Variants in B3GAT1 observed in about 807,000 individuals in gnomAD.
The protein encoded by B3GAT1 is galactosylgalactosylxylosylprotein 3-beta-glucuronosyltransferase 1.
B3GAT1 carries 11 observed loss-of-function variants against 28.4 expected under a neutral mutation model. That is an observed-to-expected ratio of 0.39 (90% CI 0.24 to 0.64). B3GAT1 has a LOEUF of 0.64. Among genes scored for constraint, B3GAT1 ranks in the 30% least tolerant of loss-of-function variants. B3GAT1 has a pLI of 0.50. For missense variants in B3GAT1, 375 were observed against 491.0 expected (o/e 0.76, Z 2.23); for synonymous variants, 255 against 223.1 (o/e 1.14, Z -1.27).
In B3GAT1 at chr11:134,387,683, GCTC is replaced by G. The variant is rs1944320593; in HGVS notation, c.-27_-25del. 5.0e-6 allele frequency: 8 copies of G among 1,613,528 alleles called. No homozygotes were observed. The highest frequency in any genetic ancestry group is 5.9e-6 in the Non-Finnish European group (7 of 1,179,866). ...ATCTCCAAGGCTGGCTGCACCCACG[GCTC>G]CTCATTACCTGAGTGGCGGTAAGTT... On this transcript the variant is annotated 5_prime_UTR_variant, in exon 2 of 6. Coordinates refer to ENST00000312527, the MANE Select transcript of B3GAT1 (RefSeq NM_054025.3).
chr11:134,385,930 C>T (rs1245110877), intron 2 of B3GAT1: 1 of 152,280 alleles, frequency 6.6e-6, no homozygotes, highest in Non-Finnish European at 1.5e-5. Flanking sequence ...GCTTAGCAAA[C>T]AGCCTGACGT....
rs776480442 is a variant in B3GAT1, at chr11:134,382,791, C to T, written c.837G>A (p.Lys279=). 3.1e-6 allele frequency: 5 copies of T among 1,614,208 alleles called. No individual in the cohort carries two copies. The East Asian group carries it at 6.7e-5, about 22-fold the overall frequency. Residue 279 remains lysine, a synonymous_variant, in exon 4 of 6, where the codon AAG becomes AAA. Coordinates refer to ENST00000312527, the MANE Select transcript of B3GAT1 (RefSeq NM_054025.3). ...SQAYFKLRGV[K]GGYQESSLLR... is the part of the protein sequence containing the mutation. The stretch of plus-strand genomic sequence containing the variant: ...GGAGGCTGCTTTCCTGGTAGCCTCC[C>T]TTCACACCTCGCAGCTTGAAGTAGG...
intron 1 of B3GAT1, among the ~76,000 whole-genome samples, chr11:134,392,705 C>T (rs7103855): frequency 5.9e-5 from 9 of 151,860 alleles, no homozygotes; most frequent in Admixed American, 1.3e-4. Flanking sequence ...GGGTGCTGTG[C>T]GCTGTGAATA....
intron 1 of B3GAT1, chr11:134,391,227 T>C (rs376809189): frequency 9.2e-5 from 14 of 152,220 alleles, no homozygotes; most frequent in Admixed American, 4.6e-4. Context: ...ATAAGCATAG[T>C]AGCAAAATCG....
chr11:134,404,019 A>ATT (rs1167450945), intron 1 of B3GAT1, among the ~76,000 whole-genome samples: 9 of 113,576 alleles, frequency 7.9e-5, no homozygotes, highest in African/African-American at 2.9e-4. Flanking sequence ...ATATATATAT[A>ATT]TATATATATA....
At chr11:134,399,517 G>A (rs975619940) in intron 1 of B3GAT1, among the ~76,000 whole-genome samples, 6 of 152,192 alleles carry the variant, frequency 3.9e-5, no homozygotes, top group African/African-American at 4.8e-5. Flanking sequence ...CCCAGTGAAC[G>A]GCAGGGTCCA....
chr11:134,404,426 A>C (rs1224193829), intron 1 of B3GAT1, among the ~76,000 whole-genome samples: 1 of 152,152 alleles, frequency 6.6e-6, no homozygotes, highest in African/African-American at 2.4e-5. Context: ...AAAATGGCTA[A>C]GATGGTAAGT....
In B3GAT1 at chr11:134,378,559, GTTAAA is replaced by G. The variant is rs1356666174; in HGVS notation, c.*2198_*2202del. 1.3e-5 allele frequency: 2 copies of G among 152,240 alleles called. No homozygotes were observed. Among genetic ancestry groups the G allele is most frequent in the African/African-American group, 2.4e-5 (1 of 41,454 alleles). The allele number at this position is 152,240 out of a possible 1,614,324, so 9.4% of individuals were successfully genotyped here. ...TAATTTTGAAAGCAAATTAAATACA[GTTAAA>G]TTAAAACAGACCAGATGCAGCTGCC... On this transcript the variant is annotated 3_prime_UTR_variant, in exon 6 of 6. Transcript: ENST00000312527.
rs565713520 is a variant in B3GAT1 at position 134,407,304 on chromosome 11, C to A, written c.-282+4503G>T. ...AGATGGGCAGAGGGGAAGGAGAGGA[C>A]CCCAGCCCACATAGCCAGCCAGAGA... On this transcript the variant is annotated intron_variant, in intron 1 of 5. Coordinates refer to ENST00000312527, the MANE Select transcript of B3GAT1 (RefSeq NM_054025.3). 1.2e-3 allele frequency among the ~76,000 whole-genome samples: 184 copies of A among 152,332 alleles called. 3 individuals are homozygous for A. The highest frequency in any genetic ancestry group is 4.2e-3 in the African/African-American group (176 of 41,576).
At chr11:134,390,847 T>C (rs1015261996) in intron 1 of B3GAT1, 4 of 152,264 alleles carry the variant, frequency 2.6e-5, no homozygotes, top group African/African-American at 9.7e-5. Context: ...TCCAAGCCTC[T>C]CGAACCTGGG....
chr11:134,386,289 C>A (rs1944283904), intron 2 of B3GAT1: 1 of 152,272 alleles, frequency 6.6e-6, no homozygotes, highest in East Asian at 1.9e-4. Flanking sequence ...TACAGGCACT[C>A]ACCACCTCTC....
At chr11:134,399,059 G>C (rs1944559295) in intron 1 of B3GAT1, among the ~76,000 whole-genome samples, 1 of 152,180 alleles carries the variant, frequency 6.6e-6, no homozygotes, top group South Asian at 2.1e-4. Flanking sequence ...CCCTCCCCGG[G>C]GGGGCTCACT....
chr11:134,397,567 C>A (rs575519643), intron 1 of B3GAT1, among the ~76,000 whole-genome samples: 56 of 145,708 alleles, frequency 3.8e-4, no homozygotes, highest in African/African-American at 1.4e-3. Flanking sequence ...CCATTCCCAC[C>A]CAGAGGGCAG....
At chr11:134,405,878 G>A (rs1944721944) in intron 1 of B3GAT1, among the ~76,000 whole-genome samples, 1 of 152,230 alleles carries the variant, frequency 6.6e-6, no homozygotes, top group African/African-American at 2.4e-5. Context: ...CCAATGGCCA[G>A]CTCCTGCCCC....
chr11:134,393,626 C>T lies in B3GAT1; in HGVS notation c.-281-5686G>A, dbSNP rs147231862. On this transcript the variant is annotated intron_variant, in intron 1 of 5. Coordinates refer to ENST00000312527, the MANE Select transcript of B3GAT1 (RefSeq NM_054025.3). This position sits in a 1 kb window ranked among gnomAD's most constrained non-coding sequence, Gnocchi z 4.0. ...TAGAAACAACACATTTACTTCAACACGCTATTTCAACAGTTTACATGACAT... is the reference window on the plus strand; with the variant it reads ...TAGAAACAACACATTTACTTCAACATGCTATTTCAACAGTTTACATGACAT... Among the ~76,000 whole-genome samples the T allele has an allele frequency of 2.6e-5, 4 of 152,344 alleles. No individual in the cohort carries two copies. Among genetic ancestry groups the T allele is most frequent in the East Asian group, 3.9e-4 (2 of 5,188 alleles).
intron 4 of B3GAT1, 53 bp from the exon 5 acceptor site, chr11:134,382,077 G>T: frequency 1.3e-6 from 2 of 1,489,136 alleles, no homozygotes; most frequent in Non-Finnish European, 9.4e-7. Flanking sequence ...ACCTCACTCT[G>T]CTGCCTCCCT....
intron 1 of B3GAT1, among the ~76,000 whole-genome samples, chr11:134,405,102 G>A (rs1944705769): frequency 6.6e-6 from 1 of 152,202 alleles, no homozygotes; most frequent in Non-Finnish European, 1.5e-5. Flanking sequence ...GGCTGGGGGG[G>A]TGACGATATT....
At chr11:134,396,902 G>A (rs1944514823) in intron 1 of B3GAT1, among the ~76,000 whole-genome samples, 1 of 152,296 alleles carries the variant, frequency 6.6e-6, no homozygotes, top group Non-Finnish European at 1.5e-5. Flanking sequence ...CCCTGACGGC[G>A]TCCTTTGATT....
In B3GAT1 at chr11:134,380,056, G is replaced by A. The variant is rs569426799; in HGVS notation, c.*706C>T. 11 of 152,810 alleles carry A rather than the reference G, an allele frequency of 7.2e-5. No individual in the cohort carries two copies. The highest frequency in any genetic ancestry group is 1.5e-4 in the Non-Finnish European group (10 of 68,336). The allele number at this position is 152,810 out of a possible 1,614,324, so 9.5% of individuals were successfully genotyped here. ...AGGGGTAAAGGAAGAGGGGCCGGAG[G>A]GGGGGACTCTGCTCCCGCCACAGCC... On this transcript the variant is annotated 3_prime_UTR_variant, in exon 6 of 6. Transcript: ENST00000312527.
Sources: allele counts gnomAD v4.1 joint callset (sites outside exome capture counted in the v4.1 genomes callset), GRCh38; gene constraint gnomAD v4.1.1; non-coding constraint Gnocchi (gnomAD v3.1); transcripts MANE v1.5; gene names NCBI Gene and HGNC (gene_info 2026-07-23, HGNC 2026-07-21).